NRG3: variants seen among roughly 807,000 people sequenced by gnomAD.
The protein encoded by NRG3 is neuregulin 3.
In NRG3, 31 loss-of-function variants were observed where a neutral mutation model predicts 66.9. That is an observed-to-expected ratio of 0.46 (90% CI 0.35 to 0.63). NRG3 has a LOEUF of 0.63. Ranked by LOEUF, NRG3 falls within the 20% of genes least tolerant of loss-of-function variation. The pLI, the probability that NRG3 is intolerant of heterozygous loss-of-function variation, is 0.00. For missense variants in NRG3, 910 were observed against 878.9 expected (o/e 1.04, Z -0.45); for synonymous variants, 393 against 359.4 (o/e 1.09, Z -1.06).
chr10:82,643,822 G>T (rs1025919082), intron 2 of NRG3, among the ~76,000 whole-genome samples: 1 of 151,772 alleles, frequency 6.6e-6, no homozygotes, highest in Non-Finnish European at 1.5e-5. Flanking sequence ...TTGTCTCACT[G>T]CTTTTCAGCT....
intron 2 of NRG3, among the ~76,000 whole-genome samples, chr10:82,669,247 G>GATA (rs2053050752): frequency 1.1e-5 from 1 of 88,712 alleles, no homozygotes; most frequent in Non-Finnish European, 2.2e-5. Context: ...CATTTATGAT[G>GATA]GTAATAATAA....
At chr10:82,002,925 G>A (rs997618011) in intron 1 of NRG3, among the ~76,000 whole-genome samples, 2 of 152,178 alleles carry the variant, frequency 1.3e-5, no homozygotes, top group East Asian at 3.9e-4. Flanking sequence ...GAGGGGGAGA[G>A]CAGTGTTATT....
At chr10:82,428,440 T>A (rs2089589745) in intron 2 of NRG3, among the ~76,000 whole-genome samples, 1 of 151,960 alleles carries the variant, frequency 6.6e-6, no homozygotes, top group African/African-American at 2.4e-5. Context: ...TTTTTTTCCT[T>A]TGACTCCTTT....
chr10:82,445,070 A>C (rs1167088837), intron 2 of NRG3, among the ~76,000 whole-genome samples: 1 of 152,206 alleles, frequency 6.6e-6, no homozygotes, highest in Non-Finnish European at 1.5e-5. Context: ...TCCAGCACAC[A>C]AAGCATTTGG....
chr10:82,133,505 TGTG>T (rs2069092844), intron 1 of NRG3, among the ~76,000 whole-genome samples: 1 of 152,190 alleles, frequency 6.6e-6, no homozygotes, highest in South Asian at 2.1e-4. Flanking sequence ...TGTGAGAACA[TGTG>T]GTATTTGGTA....
At chr10:82,515,853 A>T (rs10884903) in intron 2 of NRG3, among the ~76,000 whole-genome samples, 8,470 of 152,166 alleles carry the variant, frequency 0.056, 515 homozygotes, top group East Asian at 0.17. Flanking sequence ...GCAGAATGAG[A>T]TGGGGTTCCC....
chr10:82,882,217 C>T (rs920589735), intron 4 of NRG3, among the ~76,000 whole-genome samples: 2 of 152,160 alleles, frequency 1.3e-5, no homozygotes, highest in African/African-American at 2.4e-5. Context: ...TCTACTGTAA[C>T]TTTGCTAGAT....
At chr10:82,662,308 C>A (rs540323919) in intron 2 of NRG3, among the ~76,000 whole-genome samples, 1 of 151,892 alleles carries the variant, frequency 6.6e-6, no homozygotes, top group African/African-American at 2.4e-5. Context: ...TATAATCACA[C>A]TCTGCTTTAG....
Position 82,342,702 on chromosome 10 carries a change from C to T in NRG3, c.824-16037C>T, listed in dbSNP as rs183258748. ...CAGATGCATAGATTGCAAATATTTT[C>T]CCATTCTGTAGGCTGTCTGTTTACT... On this transcript the variant is annotated intron_variant, in intron 1 of 8. Coordinates refer to ENST00000372141, the MANE Select transcript of NRG3 (RefSeq NM_001010848.4). Among the ~76,000 whole-genome samples the T allele has an allele frequency of 5.9e-3, 903 of 152,120 alleles. 11 individuals carry two copies. Among genetic ancestry groups the T allele is most frequent in the African/African-American group, 0.017 (713 of 41,524 alleles).
chr10:81,965,065 A>T (rs2059680656), intron 1 of NRG3, among the ~76,000 whole-genome samples: 1 of 152,224 alleles, frequency 6.6e-6, no homozygotes, highest in African/African-American at 2.4e-5. Flanking sequence ...GCATTAGAAC[A>T]TTACAAATAC....
chr10:82,001,746 T>C (rs1425960659), intron 1 of NRG3, among the ~76,000 whole-genome samples: 1 of 152,136 alleles, frequency 6.6e-6, no homozygotes, highest in African/African-American at 2.4e-5. Flanking sequence ...TTACCCAAAT[T>C]AAGAAGCTAA....
At chr10:82,223,182 C>T (rs2076018712) in intron 1 of NRG3, among the ~76,000 whole-genome samples, 1 of 152,150 alleles carries the variant, frequency 6.6e-6, no homozygotes, top group African/African-American at 2.4e-5. Flanking sequence ...ACCCTGTCTA[C>T]TCCAAAGGGG....
At chr10:82,949,557 CT>C (rs1262050244) in intron 4 of NRG3, among the ~76,000 whole-genome samples, 1 of 151,986 alleles carries the variant, frequency 6.6e-6, no homozygotes, top group Non-Finnish European at 1.5e-5. Flanking sequence ...GAAAATTTTA[CT>C]TAAATAGAGA....
chr10:81,937,116 T>C (rs886185510), intron 1 of NRG3, among the ~76,000 whole-genome samples: 1 of 152,146 alleles, frequency 6.6e-6, no homozygotes, highest in Non-Finnish European at 1.5e-5. Context: ...TTTTCTTCTT[T>C]TTTAAGGCTG....
chr10:82,654,844 T>A (rs141920937), intron 2 of NRG3, among the ~76,000 whole-genome samples: 1 of 152,232 alleles, frequency 6.6e-6, no homozygotes, highest in East Asian at 1.9e-4. Flanking sequence ...GGTGGCTGAA[T>A]CTTCAGGTAA....
chr10:82,907,867 A>G (rs989071572), intron 4 of NRG3, among the ~76,000 whole-genome samples: 2 of 152,186 alleles, frequency 1.3e-5, no homozygotes, highest in Non-Finnish European at 1.5e-5. Context: ...TTATGAAACC[A>G]TTTAAATATA....
chr10:82,384,176 T>A (rs2085819924), intron 2 of NRG3, among the ~76,000 whole-genome samples: 1 of 152,160 alleles, frequency 6.6e-6, no homozygotes, highest in Non-Finnish European at 1.5e-5. Flanking sequence ...TCATCTGATT[T>A]TTTTCTCCAT....
Position 82,409,608 on chromosome 10 carries a change from A to G in NRG3, c.953+50740A>G, listed in dbSNP as rs73306159. ...TGGATGGCTCATTGTCAGAAAAAAC[A>G]ACTTTCTTCACTGCTTTTTTGTTCT... On this transcript the variant is annotated intron_variant, in intron 2 of 8. Coordinates refer to ENST00000372141, the MANE Select transcript of NRG3 (RefSeq NM_001010848.4). 5.5e-3 allele frequency among the ~76,000 whole-genome samples: 843 copies of G among 152,314 alleles called. 8 individuals are homozygous for G. Among genetic ancestry groups the G allele is most frequent in the African/African-American group, 0.02 (819 of 41,576 alleles).
At chr10:82,680,123 T>C (rs773677783) in intron 2 of NRG3, among the ~76,000 whole-genome samples, 12 of 152,132 alleles carry the variant, frequency 7.9e-5, no homozygotes, top group Non-Finnish European at 1.5e-4. Flanking sequence ...TTTACTTATA[T>C]TAACATCATA....
Sources: allele counts gnomAD v4.1 joint callset (sites outside exome capture counted in the v4.1 genomes callset), GRCh38; gene constraint gnomAD v4.1.1; transcripts MANE v1.5; gene names NCBI Gene and HGNC (gene_info 2026-07-23, HGNC 2026-07-21).